The following CHMP1A variants were observed in gnomAD, a reference collection of about 807,000 sequenced individuals.
The protein encoded by CHMP1A is charged multivesicular body protein 1A, also known as VPS46 homolog A.
A neutral mutation model predicts 27.0 loss-of-function variants in CHMP1A; 17 were observed. The ratio of observed to expected loss-of-function variants is 0.63; its 90% CI spans 0.43 to 0.95. The LOEUF (loss-of-function observed/expected upper bound fraction) is 0.95, where lower values mean the gene tolerates loss of function less well. Ranked by LOEUF, CHMP1A falls within the 40% of genes least tolerant of loss-of-function variation. The pLI is 0.00. For synonymous variants in CHMP1A, 131 were observed against 107.5 expected, an observed-to-expected ratio of 1.22 and a Z score of -1.35; for missense variants, 275 against 264.0, an observed-to-expected ratio of 1.04 and a Z score of -0.29.
At chr16:89,646,908 T>G in intron 5 of CHMP1A, 194 bp from the exon 6 acceptor site, 1 of 394,230 alleles carries the variant, frequency 2.5e-6, no homozygotes, top group Non-Finnish European at 4.6e-6. Flanking sequence ...CCCCACCCTC[T>G]GACTGTGCCA....
Position 89,646,009 on chromosome 16 carries a change from G to A in CHMP1A, c.*57C>T, listed in dbSNP as rs768288651. 6 of 1,610,072 alleles carry A rather than the reference G, an allele frequency of 3.7e-6. No homozygotes were observed. Among genetic ancestry groups the A allele is most frequent in the Middle Eastern group, 1.7e-4 (1 of 5,846 alleles). ...CAAAGGCAAGACGCGGTGGGGAGAG[G>A]ACAGGAGCCTTCCAGCACATCACGG... On this transcript the variant is annotated 3_prime_UTR_variant, in exon 7 of 7. Coordinates refer to ENST00000397901, the MANE Select transcript of CHMP1A (RefSeq NM_002768.5).
At chr16:89,652,960 G>A (rs1597790708) in intron 2 of CHMP1A, among the ~76,000 whole-genome samples, 1 of 150,876 alleles carries the variant, frequency 6.6e-6, no homozygotes, top group Non-Finnish European at 1.5e-5. Context: ...CTCAAAGAAT[G>A]AGTCCACACA....
intron 3 of CHMP1A, among the ~76,000 whole-genome samples, chr16:89,650,326 G>A (rs895134586): frequency 2.6e-5 from 4 of 152,048 alleles, no homozygotes; most frequent in African/African-American, 9.7e-5. Context: ...TTATAGGTGT[G>A]AATCACTGCG....
chr16:89,646,389 C>A (rs554569475), intron 6 of CHMP1A, 138 bp downstream of exon 6: 1 of 1,031,682 alleles, frequency 9.7e-7, no homozygotes, highest in African/African-American at 1.6e-5. Context: ...CAGCTGGGGC[C>A]TCTGAGTCGA....
Position 89,645,968 on chromosome 16 carries a change from C to G in CHMP1A, c.*98G>C. The G allele has an allele frequency of 6.2e-7, 1 of 1,611,444 alleles. No homozygotes were observed. Among genetic ancestry groups the G allele is most frequent in the South Asian group, 1.1e-5 (1 of 90,848 alleles). On this transcript the variant is annotated 3_prime_UTR_variant, in exon 7 of 7. Transcript: ENST00000397901. Reference sequence around the variant, plus strand: ...GACGCAGAGTGGCTGCCGGCCGCAGCCCCGCGGGGTCAGCACAAAGGCAAG... The same window carrying G: ...GACGCAGAGTGGCTGCCGGCCGCAGGCCCGCGGGGTCAGCACAAAGGCAAG...
At chr16:89,656,554 G>C (rs543020501) in intron 1 of CHMP1A, among the ~76,000 whole-genome samples, 1 of 152,296 alleles carries the variant, frequency 6.6e-6, no homozygotes, top group East Asian at 1.9e-4. Flanking sequence ...GCACACAGCC[G>C]GCTAGCCCCA....
At chr16:89,657,521 C>A (rs2059894710) in intron 1 of CHMP1A, 61 bp downstream of exon 1, 1 of 1,598,670 alleles carries the variant, frequency 6.3e-7, no homozygotes, top group East Asian at 2.3e-5. Flanking sequence ...GAGCCCACGC[C>A]AGTGGGAGAA....
Position 89,649,508 on chromosome 16 carries a change from C to G in CHMP1A, c.106-11G>C, listed in dbSNP as rs3815949. 0.02 allele frequency: 31,613 copies of G among 1,613,298 alleles called. 5,655 individuals are homozygous for G. The East Asian group carries it at 0.49, about 25-fold the overall frequency. On this transcript the variant is annotated splice_polypyrimidine_tract_variant and intron_variant, in intron 3 of 6. Transcript: ENST00000397901. Reference sequence around the variant, plus strand: ...TTTCTGCAGAAGGGCCTGAAACCCGCGGGGGAAAGCAGCTGGAAGAGCTTG... The same window carrying G: ...TTTCTGCAGAAGGGCCTGAAACCCGGGGGGGAAAGCAGCTGGAAGAGCTTG...
chr16:89,651,771 GC>G, intron 2 of CHMP1A, 125 bp from the exon 3 acceptor site: 3 of 908,510 alleles, frequency 3.3e-6, no homozygotes, highest in Non-Finnish European at 4.9e-6. Flanking sequence ...CCATCAGCCA[GC>G]CTGGGCCCAG....
Position 89,647,192 on chromosome 16 carries a change from G to A in CHMP1A, c.381+11C>T. The A allele has an allele frequency of 1.2e-6, 2 of 1,607,898 alleles. No homozygotes were observed. Among genetic ancestry groups the A allele is most frequent in the Non-Finnish European group, 8.5e-7 (1 of 1,177,996 alleles). On this transcript the variant is annotated intron_variant, in intron 5 of 6. Transcript: ENST00000397901. ...CCCCAGGCCACAGCCCCAAGGGTAG[G>A]GGCCACATACCGATGTATGGACGTC...
Position 89,644,768 on chromosome 16 carries a change from C to T in CHMP1A, c.*1298G>A, listed in dbSNP as rs1213321838. 6.6e-6 allele frequency: 1 copy of T among 152,444 alleles called. No individual in the cohort carries two copies. Among genetic ancestry groups the T allele is most frequent in the Non-Finnish European group, 1.5e-5 (1 of 68,058 alleles). 9.4% of individuals were successfully genotyped at this position (152,444 alleles called of 1,614,324 possible). A position where few individuals can be genotyped will look rare whatever the true frequency, so the allele number is the denominator to read the frequency against. On this transcript the variant is annotated 3_prime_UTR_variant, in exon 7 of 7. Coordinates refer to ENST00000397901, the MANE Select transcript of CHMP1A (RefSeq NM_002768.5). Reference sequence around the variant, plus strand: ...CCTGCACGTAACACCCACGACACCACTGCAGCCTCAGCATGGGCTGCACGG... The same window carrying T: ...CCTGCACGTAACACCCACGACACCATTGCAGCCTCAGCATGGGCTGCACGG...
chr16:89,655,220 T>C (rs1423890687), intron 1 of CHMP1A, among the ~76,000 whole-genome samples: 1 of 152,196 alleles, frequency 6.6e-6, no homozygotes, highest in Non-Finnish European at 1.5e-5. Flanking sequence ...AAGTTCAACC[T>C]GTCATCTATC....
At chr16:89,657,401 C>T (rs986428173) in intron 1 of CHMP1A, among the ~76,000 whole-genome samples, 181 bp downstream of exon 1, 10 of 147,146 alleles carry the variant, frequency 6.8e-5, no homozygotes, top group African/African-American at 1.5e-4. Context: ...GGACGACGAC[C>T]GGGAAAAGGG....
chr16:89,653,935 G>A lies in CHMP1A; in HGVS notation c.8-12C>T, dbSNP rs747514871. ...CTGGAACAGGGTATCTGCAAAGAAA[G>A]AGGGAATTAATGGTTTGAGGATTGG... On this transcript the variant is annotated splice_polypyrimidine_tract_variant and intron_variant, in intron 1 of 6. Coordinates refer to ENST00000397901, the MANE Select transcript of CHMP1A (RefSeq NM_002768.5). The A allele has an allele frequency of 9.9e-6, 16 of 1,613,470 alleles. No homozygotes were observed. Among genetic ancestry groups the A allele is most frequent in the Non-Finnish European group, 1.4e-5 (16 of 1,179,516 alleles).
chr16:89,647,371 G>A, intron 4 of CHMP1A, 40 bp from the exon 5 acceptor site: 1 of 1,578,256 alleles, frequency 6.3e-7, no homozygotes, highest in East Asian at 2.3e-5. Context: ...AGGATGAAAG[G>A]CAAGTGGAGC....
chr16:89,655,088 G>C (rs2059854224), intron 1 of CHMP1A, among the ~76,000 whole-genome samples: 1 of 152,322 alleles, frequency 6.6e-6, no homozygotes, highest in East Asian at 1.9e-4. Context: ...GCCTGTAAAA[G>C]AATGAGGTTA....
At position 89,646,688 on chromosome 16, in the gene CHMP1A, G is replaced by T; in HGVS notation, c.408C>A (p.Ala136=). 1.2e-6 allele frequency: 2 copies of T among 1,610,354 alleles called. No homozygotes were observed. The highest frequency in any genetic ancestry group is 1.7e-6 in the Non-Finnish European group (2 of 1,178,934). Residue 136 remains alanine (A), a synonymous_variant, in exon 6 of 7, where the codon GCC becomes GCA. Coordinates refer to ENST00000397901, the MANE Select transcript of CHMP1A (RefSeq NM_002768.5). ...GCTCCTGCGGCGTGGTCAGGGTGGT[G>T]GCCGAGCTCATGGAGTCCTCCATCA... ...TSVMEDSMSS[A]TTLTTPQEQV...
At chr16:89,647,166 TC>T in intron 5 of CHMP1A, 36 bp downstream of exon 5, 1 of 1,602,176 alleles carries the variant, frequency 6.2e-7, no homozygotes. Context: ...ACGCTCCTTG[TC>T]CCCAGGCCAC....
chr16:89,649,432 GTTC>G lies in CHMP1A; in HGVS notation c.168_170del (p.Lys56del). ...CCATCCGAAGCCAGTTCACACCTTC[GTTC>G]TTCTTGCGGATGGCGTTCTCGGCAT... On this transcript the variant is annotated inframe_deletion, in exon 4 of 7. Coordinates refer to ENST00000397901, the MANE Select transcript of CHMP1A (RefSeq NM_002768.5). 3 of 1,613,756 alleles carry G rather than the reference GTTC, an allele frequency of 1.9e-6. No homozygotes were observed. The highest frequency in any genetic ancestry group is 1.7e-6 in the Non-Finnish European group (2 of 1,179,882).
Sources: gnomAD v4.1 joint callset for allele counts (sites outside exome capture counted in the v4.1 genomes callset) on GRCh38, gnomAD v4.1.1 for gene constraint, MANE v1.5 for transcripts, NCBI Gene and HGNC (gene_info 2026-07-23, HGNC 2026-07-21) for gene names.